The following CCSER1 variants were observed in gnomAD, a reference collection of about 807,000 sequenced individuals.
CCSER1 encodes coiled-coil serine rich protein 1, also known as serine-rich coiled-coil domain-containing protein 1.
CCSER1 carries 41 observed loss-of-function variants against 82.0 expected under a neutral mutation model. That is an observed-to-expected ratio of 0.50 (90% CI 0.39 to 0.65). CCSER1 has a LOEUF of 0.65. Among genes scored for constraint, CCSER1 ranks in the 30% least tolerant of loss-of-function variants. The pLI is 0.00. For synonymous variants in CCSER1, 414 were observed against 383.9 expected (o/e 1.08, Z -0.92); for missense variants, 1,119 against 1,064.2 (o/e 1.05, Z -0.72).
intron 3 of CCSER1, among the ~76,000 whole-genome samples, chr4:90,340,045 G>T (rs1579273475): frequency 6.6e-6 from 1 of 152,040 alleles, no homozygotes; most frequent in East Asian, 1.9e-4. Flanking sequence ...TTAACCTTTT[G>T]TTATTTTATA....
At chr4:90,744,259 G>T (rs1248758094) in intron 7 of CCSER1, among the ~76,000 whole-genome samples, 1 of 152,100 alleles carries the variant, frequency 6.6e-6, no homozygotes, top group Non-Finnish European at 1.5e-5. Context: ...TACGTATTCG[G>T]TTATGTGTTG....
At chr4:90,146,464 A>G (rs1477057874) in intron 1 of CCSER1, among the ~76,000 whole-genome samples, 1 of 152,074 alleles carries the variant, frequency 6.6e-6, no homozygotes, top group Non-Finnish European at 1.5e-5. Context: ...ATTAGCCTAG[A>G]AAAACAGCTA....
In CCSER1 at chr4:90,957,098, C is replaced by CTTTTT. The variant is rs1215668480; in HGVS notation, c.2172+33669_2172+33673dup. On this transcript the variant is annotated intron_variant, in intron 9 of 10. Coordinates refer to ENST00000509176, the MANE Select transcript of CCSER1 (RefSeq NM_001145065.2). ...ATCCAGCCTGATATTTCTTTCTTTC[C>CTTTTT]TTTTTTTTTTTTTTTTTTTTTTGAG... Among the ~76,000 whole-genome samples, 84 of 86,702 alleles carry CTTTTT rather than the reference C, an allele frequency of 9.7e-4. 3 individuals are homozygous for CTTTTT. Among genetic ancestry groups the CTTTTT allele is most frequent in the African/African-American group, 2.7e-3 (66 of 24,794 alleles). The allele number at this position is 86,702 out of a possible 152,430, so 56.9% of individuals were successfully genotyped here. A position where few individuals can be genotyped will look rare whatever the true frequency, so the allele number is the denominator to read the frequency against.
At chr4:91,070,478 G>A (rs944066131) in intron 9 of CCSER1, among the ~76,000 whole-genome samples, 12 of 152,100 alleles carry the variant, frequency 7.9e-5, no homozygotes, top group African/African-American at 2.9e-4. Flanking sequence ...TCTTTGGCAG[G>A]GGTCCCTAAC....
chr4:90,501,288 A>G (rs998465279), intron 5 of CCSER1, among the ~76,000 whole-genome samples: 1 of 152,184 alleles, frequency 6.6e-6, no homozygotes, highest in African/African-American at 2.4e-5. Context: ...TAATTATTGC[A>G]TACTTAAATT....
chr4:90,257,195 A>T (rs932358279), intron 1 of CCSER1, among the ~76,000 whole-genome samples: 8 of 149,758 alleles, frequency 5.3e-5, no homozygotes, highest in African/African-American at 2.0e-4. Context: ...TCAGTGTCTT[A>T]TGTTATAAAA....
intron 10 of CCSER1, among the ~76,000 whole-genome samples, chr4:91,291,807 A>C (rs1743771523): frequency 6.6e-6 from 1 of 152,028 alleles, no homozygotes. Context: ...AGTAAAGAAA[A>C]GCATGAGAAA....
At position 91,602,276 on chromosome 4, in the gene CCSER1, G is replaced by C. The variant is rs942475051; in HGVS notation, c.*3219G>C. Among the ~76,000 whole-genome samples the C allele has an allele frequency of 2.0e-5, 3 of 151,936 alleles. No homozygotes were observed. The highest frequency in any genetic ancestry group is 4.4e-5 in the Non-Finnish European group (3 of 67,896). On this transcript the variant is annotated 3_prime_UTR_variant, in exon 11 of 11. Coordinates refer to ENST00000509176, the MANE Select transcript of CCSER1 (RefSeq NM_001145065.2). ...TCCTAACTCATTGTCATTATTTCCT[G>C]AATGTTGAACTCCCATTATAGGAAA...
intron 7 of CCSER1, among the ~76,000 whole-genome samples, chr4:90,744,961 A>T (rs917946815): frequency 4.7e-5 from 7 of 149,854 alleles, no homozygotes; most frequent in African/African-American, 1.7e-4. Context: ...TATATATATT[A>T]TATATATATA....
intron 6 of CCSER1, among the ~76,000 whole-genome samples, chr4:90,629,824 T>G: frequency 6.6e-6 from 1 of 152,202 alleles, no homozygotes; most frequent in East Asian, 1.9e-4. Flanking sequence ...CAAAATAAAT[T>G]ATATGAACTT....
At chr4:90,985,501 T>G in intron 9 of CCSER1, among the ~76,000 whole-genome samples, 1 of 151,776 alleles carries the variant, frequency 6.6e-6, no homozygotes, top group East Asian at 1.9e-4. Flanking sequence ...AATTCCAAAT[T>G]AAGTCTGTCT....
In CCSER1 at chr4:91,525,649, C is replaced by G. The variant is rs185616002; in HGVS notation, c.2218-72923C>G. ...CCTCCTGCTCACCCCTCAGATACCC[C>G]CTCCTGTCATTAGTGTCAGACCTTC... On this transcript the variant is annotated intron_variant, in intron 10 of 10. Transcript: ENST00000509176. Among the ~76,000 whole-genome samples the G allele has an allele frequency of 6.8e-4, 103 of 152,202 alleles. No homozygotes were observed. The East Asian group carries it at 0.019, about 27-fold the overall frequency.
intron 5 of CCSER1, among the ~76,000 whole-genome samples, chr4:90,477,412 C>T (rs898922417): frequency 6.6e-6 from 1 of 152,056 alleles, no homozygotes; most frequent in African/African-American, 2.4e-5. Flanking sequence ...TGAAAGTATT[C>T]AATTTTCAAA....
Position 90,673,897 on chromosome 4 carries a change from C to A in CCSER1, c.1932+45665C>A, listed in dbSNP as rs1194818625. On this transcript the variant is annotated intron_variant, in intron 6 of 10. Coordinates refer to ENST00000509176, the MANE Select transcript of CCSER1 (RefSeq NM_001145065.2). Reference sequence around the variant, plus strand: ...AAATTTAGCCAGTAATTGGGGTGACCATCTATGTTAACTAATTGGTGTTAT... The same window carrying A: ...AAATTTAGCCAGTAATTGGGGTGACAATCTATGTTAACTAATTGGTGTTAT... 3.3e-5 allele frequency among the ~76,000 whole-genome samples: 5 copies of A among 152,086 alleles called. No individual in the cohort carries two copies. The South Asian group carries it at 6.2e-4, about 19-fold the overall frequency.
chr4:91,542,232 A>T (rs1405734837), intron 10 of CCSER1, among the ~76,000 whole-genome samples: 2 of 152,236 alleles, frequency 1.3e-5, no homozygotes, highest in Non-Finnish European at 1.5e-5. Flanking sequence ...CTTTAGTTTA[A>T]TTAGATCTCA....
chr4:91,375,417 GAAGCTCTAC>G (rs1366789038), intron 10 of CCSER1, among the ~76,000 whole-genome samples: 1 of 152,020 alleles, frequency 6.6e-6, no homozygotes, highest in Non-Finnish European at 1.5e-5. Context: ...ACTTTTGAAA[GAAGCTCTAC>G]TGTGGGTAAA....
intron 6 of CCSER1, among the ~76,000 whole-genome samples, chr4:90,721,154 G>GT (rs1475438863): frequency 6.6e-6 from 1 of 151,810 alleles, no homozygotes; most frequent in African/African-American, 2.4e-5. Context: ...AGAGAACATA[G>GT]TCTACATTAA....
Position 90,309,002 on chromosome 4 carries a change from A to G in CCSER1, c.718A>G (p.Ser240Gly), listed in dbSNP as rs1197918376. ...CSVDVTERAG[S>G]SLQSPLLSAD... ...TGTGGATGTAACAGAACGGGCAGGA[A>G]GCTCTTTACAATCTCCTTTGCTTTC... Residue 240 changes from serine to glycine, a missense_variant, in exon 2 of 11, where the codon AGC becomes GGC. By Grantham distance (56) the Ser-to-Gly change is moderately conservative. Coordinates refer to ENST00000509176, the MANE Select transcript of CCSER1 (RefSeq NM_001145065.2). 1 of 1,613,700 alleles carries G rather than the reference A, an allele frequency of 6.2e-7. No individual in the cohort carries two copies. Among genetic ancestry groups the G allele is most frequent in the African/African-American group, 1.3e-5 (1 of 74,930 alleles).
At chr4:91,438,301 C>G (rs1754825402) in intron 10 of CCSER1, among the ~76,000 whole-genome samples, 1 of 152,200 alleles carries the variant, frequency 6.6e-6, no homozygotes, top group South Asian at 2.1e-4. Flanking sequence ...GAGGAATGAT[C>G]AGACAGCAGC....
Sources: allele counts gnomAD v4.1 joint callset (sites outside exome capture counted in the v4.1 genomes callset), GRCh38; gene constraint gnomAD v4.1.1; transcripts MANE v1.5; gene names NCBI Gene and HGNC (gene_info 2026-07-23, HGNC 2026-07-21).